Variants in SLC5A11 observed in about 807,000 individuals in gnomAD.
SLC5A11 encodes the protein sodium/myo-inositol cotransporter 2.
Under a neutral mutation model 69.8 loss-of-function variants are expected in SLC5A11, and 48 were observed. The observed-to-expected ratio is 0.69, with a 90% CI of 0.55 to 0.87. The LOEUF (loss-of-function observed/expected upper bound fraction) is 0.87, where lower values mean the gene tolerates loss of function less well. SLC5A11 is among the 40% of genes least tolerant of loss of function. SLC5A11 has a pLI of 0.00. For synonymous variants in SLC5A11, 319 were observed against 342.4 expected (o/e 0.93, Z 0.75); for missense variants, 784 against 866.1 (o/e 0.91, Z 1.19).
At chr16:24,908,249 AG>A in intron 13 of SLC5A11, 118 bp downstream of exon 14, 1 of 1,189,288 alleles carries the variant, frequency 8.4e-7, no homozygotes, top group Non-Finnish European at 1.2e-6. Flanking sequence ...GTTGAGAGGG[AG>A]GGTGAGTTCC....
intron 1 of SLC5A11, among the ~76,000 whole-genome samples, chr16:24,858,185 A>T (rs1410516926): frequency 6.6e-6 from 1 of 152,222 alleles, no homozygotes; most frequent in Non-Finnish European, 1.5e-5. Context: ...TGGTATATGT[A>T]GCATTGGAAC....
rs7184870 is a variant in SLC5A11, at chr16:24,878,897, T to A, written c.583+1534T>A. 3.5e-3 allele frequency among the ~76,000 whole-genome samples: 531 copies of A among 152,242 alleles called. 3 individuals are homozygous for A. The highest frequency in any genetic ancestry group is 0.012 in the African/African-American group (498 of 41,550). ...AAAATACAGAAAAATTAGCTGGGCA[T>A]GATGGCACATGCCTGTAATCCCAGC... On this transcript the variant is annotated intron_variant, in intron 7 of 15. Coordinates refer to ENST00000347898, the Ensembl canonical transcript of SLC5A11.
chr16:24,889,180 T>C (rs911423091), intron 8 of SLC5A11, among the ~76,000 whole-genome samples: 3 of 151,930 alleles, frequency 2.0e-5, no homozygotes, highest in African/African-American at 4.8e-5. Context: ...TAATTAAGAA[T>C]GAGAAAAGAA....
At chr16:24,891,122 C>G (rs948648317) in intron 9 of SLC5A11, 48 bp downstream of exon 10, 1 of 1,579,588 alleles carries the variant, frequency 6.3e-7, no homozygotes. Context: ...TTGCTTCTTT[C>G]CTTAGGGTGG....
At chr16:24,894,814 C>T (rs1450323708) in intron 9 of SLC5A11, among the ~76,000 whole-genome samples, 2 of 145,348 alleles carry the variant, frequency 1.4e-5, no homozygotes, top group Non-Finnish European at 3.0e-5. Flanking sequence ...AACAAACAAA[C>T]AAACAAACAA....
chr16:24,862,409 A>C (rs937937679), intron 2 of SLC5A11, among the ~76,000 whole-genome samples, 192 bp from the exon 4 acceptor site: 1 of 152,246 alleles, frequency 6.6e-6, no homozygotes, highest in Non-Finnish European at 1.5e-5. Context: ...TGTTGACCTG[A>C]AGAGTTTATG....
intron 8 of SLC5A11, among the ~76,000 whole-genome samples, chr16:24,884,993 C>T (rs1036852333): frequency 2.0e-5 from 3 of 152,138 alleles, no homozygotes; most frequent in African/African-American, 7.2e-5. Flanking sequence ...TCACCTGCCT[C>T]GGCCTCCCAA....
intron 10 of SLC5A11, among the ~76,000 whole-genome samples, chr16:24,904,819 C>T (rs2049897028): frequency 6.6e-6 from 1 of 152,110 alleles, no homozygotes; most frequent in Non-Finnish European, 1.5e-5. Flanking sequence ...ATGTGCAGAA[C>T]GTGCAGCTTT....
intron 8 of SLC5A11, among the ~76,000 whole-genome samples, chr16:24,887,547 G>GT (rs993801659): frequency 2.3e-4 from 35 of 151,534 alleles, no homozygotes; most frequent in Non-Finnish European, 3.1e-4. Flanking sequence ...GTGCATATAA[G>GT]TTTTTTTTTC....
At chr16:24,859,898 C>T (rs2059688695) in intron 2 of SLC5A11, among the ~76,000 whole-genome samples, 1 of 152,182 alleles carries the variant, frequency 6.6e-6, no homozygotes, top group Non-Finnish European at 1.5e-5. Flanking sequence ...GCTTGTAATC[C>T]CAGCACTTTG....
At chr16:24,882,682 G>A (rs945798385) in intron 7 of SLC5A11, among the ~76,000 whole-genome samples, 4 of 152,188 alleles carry the variant, frequency 2.6e-5, no homozygotes, top group Non-Finnish European at 4.4e-5. Context: ...GTCTCGCTCT[G>A]TTGCCCAGGC....
intron 7 of SLC5A11, among the ~76,000 whole-genome samples, chr16:24,881,277 T>C (rs1045770656): frequency 2.6e-5 from 4 of 151,094 alleles, no homozygotes; most frequent in African/African-American, 9.8e-5. Context: ...TTTTGTTTGA[T>C]TGTTTGTTTG....
intron 1 of SLC5A11, among the ~76,000 whole-genome samples, chr16:24,850,203 AC>A (rs1004858064): frequency 6.6e-6 from 1 of 150,836 alleles, no homozygotes; most frequent in East Asian, 2.0e-4. Context: ...TCATGCCTTG[AC>A]CCCCCAGAAT....
At chr16:24,902,067 G>A (rs888780887) in intron 10 of SLC5A11, among the ~76,000 whole-genome samples, 9 of 152,130 alleles carry the variant, frequency 5.9e-5, no homozygotes, top group African/African-American at 2.2e-4. Context: ...AGCTGTGTTC[G>A]AGCCACTGCA....
At chr16:24,908,595 CAAAAAA>C (rs764700253) in intron 13 of SLC5A11, among the ~76,000 whole-genome samples, 1 of 70,596 alleles carries the variant, frequency 1.4e-5, no homozygotes, top group Admixed American at 1.9e-4. Context: ...GAGACTGTCT[CAAAAAA>C]AAAAAAAAAA....
At chr16:24,869,139 A>G (rs978951290) in intron 3 of SLC5A11, among the ~76,000 whole-genome samples, 1 of 152,004 alleles carries the variant, frequency 6.6e-6, no homozygotes, top group Non-Finnish European at 1.5e-5. Context: ...AGGTGCTGGG[A>G]TTACAAACGT....
intron 7 of SLC5A11, among the ~76,000 whole-genome samples, chr16:24,880,323 G>T (rs1243396330): frequency 6.6e-6 from 1 of 152,066 alleles, no homozygotes; most frequent in Non-Finnish European, 1.5e-5. Flanking sequence ...GAAGCGGGAG[G>T]TGCTACACAC....
chr16:24,869,077 AG>A (rs995432739), intron 3 of SLC5A11, among the ~76,000 whole-genome samples: 3 of 152,036 alleles, frequency 2.0e-5, no homozygotes, highest in Non-Finnish European at 2.9e-5. Flanking sequence ...CATGTTGGCC[AG>A]GCTGGTCTGA....
chr16:24,861,072 C>T (rs984152404), intron 2 of SLC5A11, among the ~76,000 whole-genome samples: 5 of 152,096 alleles, frequency 3.3e-5, no homozygotes, highest in Non-Finnish European at 7.4e-5. Flanking sequence ...TGTTTAAACA[C>T]CACATATTTT....
Sources: gnomAD v4.1 joint callset for allele counts (sites outside exome capture counted in the v4.1 genomes callset) on GRCh38, gnomAD v4.1.1 for gene constraint, MANE v1.5 for transcripts, NCBI Gene and HGNC (gene_info 2026-07-23, HGNC 2026-07-21) for gene names.